Variants in LRP1B observed in about 807,000 individuals in gnomAD.
LRP1B encodes LDL receptor related protein 1B.
LRP1B carries 217 observed loss-of-function variants against 556.6 expected under a neutral mutation model. That is an observed-to-expected ratio of 0.39 (90% CI 0.35 to 0.44). The LOEUF is 0.44. Ranked by LOEUF, LRP1B falls within the 20% of genes least tolerant of loss-of-function variation. The pLI is 1.00. For synonymous variants in LRP1B, 2,047 were observed against 1,865.8 expected, an observed-to-expected ratio of 1.10 and a Z score of -2.50; for missense variants, 5,053 against 5,620.8, an observed-to-expected ratio of 0.90 and a Z score of 3.23.
Position 141,112,270 on chromosome 2 carries a change from G to A in LRP1B, c.1014-49997C>T, listed in dbSNP as rs1401696876. On this transcript the variant is annotated intron_variant, in intron 7 of 90. Coordinates refer to ENST00000389484, the MANE Select transcript of LRP1B (RefSeq NM_018557.3). ...AAATCAAAAATTTGAGTTGCCTGCT[G>A]CCCATTTTCCCTGCTGAGGTCAAGC... 2.6e-5 allele frequency among the ~76,000 whole-genome samples: 4 copies of A among 152,074 alleles called. No homozygotes were observed. The East Asian group carries it at 7.7e-4, about 29-fold the overall frequency.
chr2:141,989,063 C>A (rs1702274816), intron 1 of LRP1B, among the ~76,000 whole-genome samples: 1 of 151,992 alleles, frequency 6.6e-6, no homozygotes, highest in Non-Finnish European at 1.5e-5. Flanking sequence ...TTTATCCACT[C>A]CAGTATATCA....
At position 141,347,794 on chromosome 2, in the gene LRP1B, G is replaced by A. The variant is rs916882693; in HGVS notation, c.344-93153C>T. Among the ~76,000 whole-genome samples the A allele has an allele frequency of 1.3e-4, 20 of 151,934 alleles. 1 individual carries two copies. Among genetic ancestry groups the A allele is most frequent in the Admixed American group, 6.6e-4 (10 of 15,240 alleles). ...CTACTTGTATTTTTGGTTGTAATCA[G>A]GATCTAGCAACATTTTTGTCATTAT... On this transcript the variant is annotated intron_variant, in intron 3 of 90. Coordinates refer to ENST00000389484, the MANE Select transcript of LRP1B (RefSeq NM_018557.3).
chr2:140,676,666 T>A (rs78211846), intron 41 of LRP1B, among the ~76,000 whole-genome samples: 4,672 of 152,274 alleles, frequency 0.031, 129 homozygotes, highest in East Asian at 0.14. Context: ...AGATTTGGAT[T>A]CTTGAAAATA....
At chr2:141,907,783 A>G (rs149712629) in intron 1 of LRP1B, among the ~76,000 whole-genome samples, 7 of 152,086 alleles carry the variant, frequency 4.6e-5, no homozygotes, top group African/African-American at 1.2e-4. Flanking sequence ...GCAAAAATGG[A>G]CACAAATAAC....
chr2:141,729,992 T>G (rs1052088053), intron 2 of LRP1B, among the ~76,000 whole-genome samples: 2 of 152,106 alleles, frequency 1.3e-5, no homozygotes, highest in Non-Finnish European at 2.9e-5. Context: ...CAAAGCATTT[T>G]TATTTATTTG....
chr2:140,690,545 A>T (rs963636518), intron 41 of LRP1B, among the ~76,000 whole-genome samples: 3 of 152,180 alleles, frequency 2.0e-5, no homozygotes, highest in Non-Finnish European at 2.9e-5. Context: ...CTTCCCCTAC[A>T]TCTACCACAG....
intron 3 of LRP1B, among the ~76,000 whole-genome samples, chr2:141,288,929 A>G (rs1435521923): frequency 6.6e-6 from 1 of 152,204 alleles, no homozygotes; most frequent in African/African-American, 2.4e-5. Context: ...CATCACTTTC[A>G]ATATCATGAA....
At chr2:141,871,879 G>A (rs1698598332) in intron 1 of LRP1B, among the ~76,000 whole-genome samples, 1 of 151,878 alleles carries the variant, frequency 6.6e-6, no homozygotes, top group South Asian at 2.1e-4. Flanking sequence ...GTAGGAGACT[G>A]AAAATACTAA....
At chr2:141,640,984 C>A (rs979027904) in intron 2 of LRP1B, among the ~76,000 whole-genome samples, 194 of 152,144 alleles carry the variant, frequency 1.3e-3, no homozygotes, top group Non-Finnish European at 1.2e-4. Flanking sequence ...CTAGTATATG[C>A]CCAACGTCTG....
At chr2:140,452,961 GT>G (rs5834746) in intron 62 of LRP1B, among the ~76,000 whole-genome samples, 54 of 126,670 alleles carry the variant, frequency 4.3e-4, no homozygotes, top group African/African-American at 1.3e-3. Context: ...GTGTGTGTGT[GT>G]TTTTTTTTTT....
At chr2:141,032,138 T>C (rs1278319346) in intron 11 of LRP1B, among the ~76,000 whole-genome samples, 2 of 152,016 alleles carry the variant, frequency 1.3e-5, no homozygotes, top group Non-Finnish European at 2.9e-5. Flanking sequence ...CTTGCAAAAA[T>C]AGGATCATTC....
At chr2:141,703,561 C>T (rs532645729) in intron 2 of LRP1B, among the ~76,000 whole-genome samples, 3 of 151,900 alleles carry the variant, frequency 2.0e-5, no homozygotes, top group Admixed American at 6.6e-5. Context: ...TTTGGATTGT[C>T]GGCTCATTCT....
At chr2:141,012,482 T>G (rs1697783333) in intron 14 of LRP1B, among the ~76,000 whole-genome samples, 1 of 152,034 alleles carries the variant, frequency 6.6e-6, no homozygotes, top group Admixed American at 6.6e-5. Context: ...TATTACCTTT[T>G]AATCTATCCA....
At chr2:141,948,424 A>G (rs906987201) in intron 1 of LRP1B, among the ~76,000 whole-genome samples, 2 of 152,060 alleles carry the variant, frequency 1.3e-5, no homozygotes, top group African/African-American at 4.8e-5. Context: ...TTGTAAATAT[A>G]TTTTTGACCC....
At chr2:140,300,900 GTTA>G (rs939520136) in intron 83 of LRP1B, among the ~76,000 whole-genome samples, 8 of 151,912 alleles carry the variant, frequency 5.3e-5, no homozygotes, top group African/African-American at 1.9e-4. Context: ...TATCGTTATT[GTTA>G]TTATTTCTAT....
intron 79 of LRP1B, among the ~76,000 whole-genome samples, chr2:140,327,212 C>T (rs1191098359): frequency 3.9e-5 from 6 of 152,204 alleles, no homozygotes; most frequent in African/African-American, 1.4e-4. Flanking sequence ...TGAGTCTGTG[C>T]TAGACTTTTA....
At chr2:140,930,864 C>T (rs1198766502) in intron 20 of LRP1B, among the ~76,000 whole-genome samples, 6 of 152,028 alleles carry the variant, frequency 3.9e-5, no homozygotes, top group African/African-American at 1.4e-4. Flanking sequence ...ATTTCTTCTC[C>T]AGCCCTGACA....
intron 60 of LRP1B, among the ~76,000 whole-genome samples, chr2:140,461,747 T>A (rs978611659): frequency 2.0e-5 from 3 of 151,806 alleles, no homozygotes; most frequent in Non-Finnish European, 4.4e-5. Context: ...GGCAGGAGAA[T>A]CCCTTGAACC....
intron 80 of LRP1B, among the ~76,000 whole-genome samples, chr2:140,324,550 T>TTATTCATTTCAGAAGTGGAA (rs1392044713): frequency 2.0e-5 from 3 of 152,132 alleles, no homozygotes; most frequent in Admixed American, 6.6e-5. Flanking sequence ...GACATTACTA[T>TTATTCATTTCAGAAGTGGAA]TATTCATTTC....
Sources: gnomAD v4.1 joint callset for allele counts (sites outside exome capture counted in the v4.1 genomes callset) on GRCh38, gnomAD v4.1.1 for gene constraint, MANE v1.5 for transcripts, NCBI Gene and HGNC (gene_info 2026-07-23, HGNC 2026-07-21) for gene names.